BTD: variants seen among roughly 807,000 people sequenced by gnomAD.
The protein encoded by BTD is biocytinase.
Under a neutral mutation model 17.7 loss-of-function variants are expected in BTD, and 13 were observed. The observed-to-expected ratio is 0.74, with a 90% CI of 0.48 to 1.17. The LOEUF is 1.17. Ranked by LOEUF, BTD falls within the 50% of genes most tolerant of loss-of-function variation. The probability of loss-of-function intolerance (pLI) is 0.00; values close to 1 mark genes in which losing one functional copy is unlikely to be tolerated. For missense variants in BTD, 674 were observed against 650.4 expected (o/e 1.04, Z -0.39); for synonymous variants, 240 against 245.2 (o/e 0.98, Z 0.20).
intron 1 of BTD, among the ~76,000 whole-genome samples, chr3:15,618,826 A>C (rs138961260): frequency 6.6e-6 from 1 of 152,346 alleles, no homozygotes; most frequent in Non-Finnish European, 1.5e-5. Context: ...TGCCCAGCCA[A>C]TAGTATTATG....
chr3:15,642,729 TG>T (rs1417911506), intron 3 of BTD, among the ~76,000 whole-genome samples: 2 of 152,158 alleles, frequency 1.3e-5, no homozygotes, highest in Non-Finnish European at 2.9e-5. Context: ...GCCAAAGTGC[TG>T]GGATTACAGG....
At chr3:15,620,444 G>A (rs2064917859) in intron 1 of BTD, among the ~76,000 whole-genome samples, 1 of 152,214 alleles carries the variant, frequency 6.6e-6, no homozygotes, top group Non-Finnish European at 1.5e-5. Context: ...GAAGAAAAAT[G>A]TGGCTCTTTT....
chr3:15,706,582 T>G (rs1297671156), intron 3 of BTD, among the ~76,000 whole-genome samples: 1 of 152,186 alleles, frequency 6.6e-6, no homozygotes, highest in African/African-American at 2.4e-5. Context: ...CAGCATGATT[T>G]ATAATCCTTT....
At chr3:15,677,473 T>C (rs1315571047) in intron 3 of BTD, 1 of 1,600,766 alleles carries the variant, frequency 6.2e-7, no homozygotes, top group Non-Finnish European at 8.6e-7. Flanking sequence ...TTAAGATGTA[T>C]ACATACCTTG....
At chr3:15,638,640 A>G (rs1167041594) in intron 2 of BTD, among the ~76,000 whole-genome samples, 3 of 152,262 alleles carry the variant, frequency 2.0e-5, no homozygotes, top group East Asian at 3.8e-4. Flanking sequence ...GAGCAAACCA[A>G]TTGAAATACA....
intron 4 of BTD, among the ~76,000 whole-genome samples, chr3:15,719,318 A>G (rs1326936940): frequency 5.9e-5 from 9 of 152,312 alleles, no homozygotes; most frequent in Non-Finnish European, 2.9e-5. Flanking sequence ...AAATGCTCTG[A>G]AAATCACATT....
chr3:15,640,844 ATTG>A (rs772743143), intron 2 of BTD, among the ~76,000 whole-genome samples: 5 of 109,320 alleles, frequency 4.6e-5, no homozygotes, highest in East Asian at 3.8e-4. Context: ...TAGAATTATG[ATTG>A]TTTTTTCCCG....
chr3:15,706,532 T>C (rs1440579956), intron 3 of BTD, among the ~76,000 whole-genome samples: 2 of 152,318 alleles, frequency 1.3e-5, no homozygotes, highest in East Asian at 1.9e-4. Flanking sequence ...CTATTGTGAA[T>C]AGTGTCACAA....
At chr3:15,720,277 CT>C (rs1213295590) in intron 4 of BTD, among the ~76,000 whole-genome samples, 4 of 151,658 alleles carry the variant, frequency 2.6e-5, no homozygotes, top group Non-Finnish European at 5.9e-5. Context: ...TTTTTTTTCC[CT>C]AACACTGTAA....
At chr3:15,686,031 T>TA in intron 3 of BTD, 1 of 1,613,712 alleles carries the variant, frequency 6.2e-7, no homozygotes, top group Non-Finnish European at 8.5e-7. Flanking sequence ...CTTCCCCACT[T>TA]ATCTTTGGCA....
At position 15,710,487 on chromosome 3, in the gene BTD, C is replaced by G. The variant is rs574202916; in HGVS notation, c.*413C>G. 5.8e-4 allele frequency among the ~76,000 whole-genome samples: 89 copies of G among 152,302 alleles called. No homozygotes were observed. The South Asian group carries it at 0.018, about 32-fold the overall frequency. On this transcript the variant is annotated 3_prime_UTR_variant, in exon 4 of 4. Coordinates refer to the BTD transcript ENST00000672141. ...AACCAGTCACATGCTCACAATCCAT[C>G]TCTACAACTTAGACTGTGCTGGTGT...
At position 15,645,746 on chromosome 3, in the gene BTD, A is replaced by G; in HGVS notation, c.*258A>G. ...TCTTTTTCAAGCCACATCTTCCTCTAACAAATCTCTCAGTATGCGATTGGT... is the reference window on the plus strand; with the variant it reads ...TCTTTTTCAAGCCACATCTTCCTCTGACAAATCTCTCAGTATGCGATTGGT... On this transcript the variant is annotated 3_prime_UTR_variant, in exon 4 of 4. Coordinates refer to ENST00000643237, the MANE Select transcript of BTD (RefSeq NM_001370658.1). 2.1e-6 allele frequency: 1 copy of G among 477,370 alleles called. No individual in the cohort carries two copies. Among genetic ancestry groups the G allele is most frequent in the Non-Finnish European group, 3.7e-6 (1 of 267,606 alleles). 29.6% of individuals were successfully genotyped at this position (477,370 alleles called of 1,614,324 possible).
At chr3:15,687,232 C>T (rs984093648) in intron 3 of BTD, among the ~76,000 whole-genome samples, 3 of 152,058 alleles carry the variant, frequency 2.0e-5, no homozygotes, top group East Asian at 1.9e-4. Flanking sequence ...CATGAGCCAC[C>T]GTGCCCAGCC....
chr3:15,673,697 G>A (rs1354153520), intron 3 of BTD, among the ~76,000 whole-genome samples: 1 of 152,154 alleles, frequency 6.6e-6, no homozygotes, highest in East Asian at 1.9e-4. Context: ...TTTGAAACAG[G>A]TGACGAATTT....
Position 15,646,554 on chromosome 3 carries a change from T to C in BTD, c.*1066T>C, listed in dbSNP as rs2065699358. 6.6e-6 allele frequency: 1 copy of C among 152,212 alleles called. No individual in the cohort carries two copies. The highest frequency in any genetic ancestry group is 2.4e-5 in the African/African-American group (1 of 41,450). 9.4% of individuals were successfully genotyped at this position (152,212 alleles called of 1,614,324 possible). ...AATTCCAGATGCAAAATTATCAGAC[T>C]CAATATGGTGAAGACATTTTTAGGC... On this transcript the variant is annotated 3_prime_UTR_variant, in exon 4 of 4. Coordinates refer to ENST00000643237, the MANE Select transcript of BTD (RefSeq NM_001370658.1).
intron 3 of BTD, among the ~76,000 whole-genome samples, chr3:15,671,943 C>G (rs1040366529): frequency 6.6e-6 from 1 of 152,058 alleles, no homozygotes; most frequent in Admixed American, 6.6e-5. Context: ...TGTATTATTT[C>G]ATATCTGGCA....
In BTD at chr3:15,692,144, TAAAAA is replaced by T. The variant is rs908039642; in HGVS notation, c.400-17898_400-17894del. 3.0e-5 allele frequency among the ~76,000 whole-genome samples: 3 copies of T among 98,900 alleles called. No homozygotes were observed. The Admixed American group carries it at 3.2e-4, about 11-fold the overall frequency. The allele number at this position is 98,900 out of a possible 152,430, so 64.9% of individuals were successfully genotyped here. On this transcript the variant is annotated intron_variant, in intron 3 of 3. Transcript: ENST00000672141. ...GACAGAATGAGATTGTATCTCTAAA[TAAAAA>T]AAAAAAAAAAAAAAAAATGAGGTTG...
chr3:15,604,621 A>G (rs115609697), intron 1 of BTD, among the ~76,000 whole-genome samples: 1,632 of 152,100 alleles, frequency 0.011, 29 homozygotes, highest in African/African-American at 0.036. Context: ...ATGGGTTTTT[A>G]TTTTCTACTG....
chr3:15,674,340 T>C (rs1384027490), intron 3 of BTD, among the ~76,000 whole-genome samples: 2 of 152,124 alleles, frequency 1.3e-5, no homozygotes, highest in African/African-American at 2.4e-5. Flanking sequence ...TGATGGACTA[T>C]ACATTGAGTA....
Sources: gnomAD v4.1 joint callset for allele counts (sites outside exome capture counted in the v4.1 genomes callset) on GRCh38, gnomAD v4.1.1 for gene constraint, MANE v1.5 for transcripts, NCBI Gene and HGNC (gene_info 2026-07-23, HGNC 2026-07-21) for gene names.